ERG: variants seen among roughly 807,000 people sequenced by gnomAD.
ERG encodes transcriptional regulator ERG.
Under a neutral mutation model 55.3 loss-of-function variants are expected in ERG, and 9 were observed. The observed-to-expected ratio is 0.16, with a 90% CI of 0.10 to 0.28. The LOEUF is 0.28. ERG is among the 10% of genes least tolerant of loss of function. The probability of loss-of-function intolerance (pLI) is 1.00; values close to 1 mark genes in which losing one functional copy is unlikely to be tolerated. For synonymous variants in ERG, 223 were observed against 237.3 expected (o/e 0.94, Z 0.55); for missense variants, 434 against 631.6 (o/e 0.69, Z 3.35).
upstream of ERG, among the ~76,000 whole-genome samples, chr21:38,499,337 T>G (rs1228244841): frequency 6.6e-6 from 1 of 152,190 alleles, no homozygotes; most frequent in Non-Finnish European, 1.5e-5. Flanking sequence ...AGCTATAAGT[T>G]CAGGGTCACA....
At chr21:38,533,024 A>G (rs1476369798) in intron 2 of ERG, among the ~76,000 whole-genome samples, 1 of 152,218 alleles carries the variant, frequency 6.6e-6, no homozygotes, top group East Asian at 1.9e-4. Flanking sequence ...CAGTAAAATC[A>G]CTATTGAATT....
chr21:38,508,974 G>A (rs1461757777), intron 2 of ERG, among the ~76,000 whole-genome samples: 1 of 152,140 alleles, frequency 6.6e-6, no homozygotes, highest in African/African-American at 2.4e-5. Flanking sequence ...GCCATTTGTA[G>A]GTGTTCCAGT....
At chr21:38,547,537 A>C (rs1292390642) in intron 2 of ERG, among the ~76,000 whole-genome samples, 5 of 152,206 alleles carry the variant, frequency 3.3e-5, no homozygotes, top group Non-Finnish European at 1.5e-5. Flanking sequence ...AAAGATGAAC[A>C]GTGACCTGCA....
intron 9 of ERG, among the ~76,000 whole-genome samples, chr21:38,389,249 T>C (rs1483845703): frequency 1.3e-5 from 2 of 152,126 alleles, no homozygotes; most frequent in Non-Finnish European, 2.9e-5. Context: ...TCCCTTATCA[T>C]TGGCTGTGTG....
intron 2 of ERG, among the ~76,000 whole-genome samples, chr21:38,552,847 A>G (rs77832994): frequency 2.2e-4 from 8 of 36,060 alleles, no homozygotes; most frequent in Non-Finnish European, 3.4e-4. Context: ...CAAGCAAGAG[A>G]AAAAAAAAAA....
intron 2 of ERG, among the ~76,000 whole-genome samples, chr21:38,523,003 G>T (rs1043314033): frequency 2.0e-5 from 3 of 152,074 alleles, no homozygotes; most frequent in Non-Finnish European, 4.4e-5. Flanking sequence ...TATGGACTAG[G>T]GTAGTTACTT....
intron 1 of ERG, among the ~76,000 whole-genome samples, chr21:38,593,028 C>T (rs1346781418): frequency 2.0e-5 from 3 of 152,132 alleles, no homozygotes; most frequent in Non-Finnish European, 4.4e-5. Flanking sequence ...TTTGTAAAGC[C>T]CAAGACGTTC....
At chr21:38,476,634 GGA>G (rs1373485948) in intron 1 of ERG, among the ~76,000 whole-genome samples, 1 of 152,172 alleles carries the variant, frequency 6.6e-6, no homozygotes, top group Non-Finnish European at 1.5e-5. Flanking sequence ...TGCTTAAACT[GGA>G]GAGCAATTAA....
intron 2 of ERG, among the ~76,000 whole-genome samples, chr21:38,527,033 C>T (rs1037961586): frequency 1.3e-5 from 2 of 152,126 alleles, no homozygotes; most frequent in African/African-American, 2.4e-5. Context: ...GGACTGAATA[C>T]GTCTGCATCC....
intron 2 of ERG, among the ~76,000 whole-genome samples, chr21:38,438,741 G>A (rs566614108): frequency 6.6e-6 from 1 of 152,340 alleles, no homozygotes; most frequent in East Asian, 1.9e-4. Flanking sequence ...CCACCTCCGC[G>A]TAGATCCTCC....
intron 1 of ERG, among the ~76,000 whole-genome samples, chr21:38,611,083 C>T (rs1273269179): frequency 6.6e-6 from 1 of 152,162 alleles, no homozygotes; most frequent in Non-Finnish European, 1.5e-5. Flanking sequence ...AACACAAGGG[C>T]TTCACCCTTG....
chr21:38,424,895 A>G (rs1989747954), intron 2 of ERG, among the ~76,000 whole-genome samples: 2 of 152,188 alleles, frequency 1.3e-5, no homozygotes, highest in South Asian at 4.1e-4. Flanking sequence ...GTGTGGATGC[A>G]GAGAGGGGTC....
rs368023274 is a variant in ERG at position 38,391,566 on chromosome 21, T to C, written c.871+93A>G. 6.5e-5 allele frequency: 69 copies of C among 1,066,772 alleles called. No individual in the cohort carries two copies. In the African/African-American group the frequency reaches 1.0e-3, roughly 16 times the overall value. The allele number at this position is 1,066,772 out of a possible 1,614,324, so 66.1% of individuals were successfully genotyped here. A position where few individuals can be genotyped will look rare whatever the true frequency, so the allele number is the denominator to read the frequency against. ...GCTGTCGAAAAGAGGCAAACAATCA[T>C]GTTAATTTCCATTAAAAAGTGAAGC... On this transcript the variant is annotated intron_variant, in intron 8 of 9. Transcript: ENST00000288319.
intron 1 of ERG, among the ~76,000 whole-genome samples, chr21:38,447,823 G>A (rs922549417): frequency 6.6e-6 from 1 of 151,942 alleles, no homozygotes; most frequent in African/African-American, 2.4e-5. Flanking sequence ...AGGCTCGCAG[G>A]GGAATAACAC....
intron 3 of ERG, among the ~76,000 whole-genome samples, chr21:38,420,141 T>C (rs1349240310): frequency 6.6e-6 from 1 of 152,136 alleles, no homozygotes; most frequent in Non-Finnish European, 1.5e-5. Context: ...GAGAATTCTT[T>C]TTGCACACAT....
chr21:38,613,727 T>C (rs1380767020), intron 1 of ERG, among the ~76,000 whole-genome samples: 1 of 152,186 alleles, frequency 6.6e-6, no homozygotes, highest in East Asian at 1.9e-4. Context: ...GGCCTGAAGT[T>C]GCTCCATTCG....
At chr21:38,608,256 C>G (rs1326074461) in intron 1 of ERG, among the ~76,000 whole-genome samples, 1 of 151,970 alleles carries the variant, frequency 6.6e-6, no homozygotes, top group Non-Finnish European at 1.5e-5. Context: ...AAAGATATAC[C>G]TGATATAACA....
chr21:38,658,987 T>G (rs1377187391), intron 1 of ERG, among the ~76,000 whole-genome samples: 1 of 152,222 alleles, frequency 6.6e-6, no homozygotes, highest in African/African-American at 2.4e-5. Context: ...CGTGAAATCA[T>G]GTACTACAAT....
At chr21:38,445,029 T>C (rs1205874345) in intron 2 of ERG, among the ~76,000 whole-genome samples, 1 of 152,226 alleles carries the variant, frequency 6.6e-6, no homozygotes, top group South Asian at 2.1e-4. Flanking sequence ...TTGGTAAATA[T>C]ACTACTAATT....
Sources: gnomAD v4.1 joint callset for allele counts (sites outside exome capture counted in the v4.1 genomes callset) on GRCh38, gnomAD v4.1.1 for gene constraint, MANE v1.5 for transcripts, NCBI Gene and HGNC (gene_info 2026-07-23, HGNC 2026-07-21) for gene names.